Variants in RUNDC3B observed in about 807,000 individuals in gnomAD.
RUNDC3B encodes RUN domain containing 3B, also known as RUN domain-containing protein 3B.
RUNDC3B carries 33 observed loss-of-function variants against 58.4 expected under a neutral mutation model. The observed-to-expected ratio is 0.56, with a 90% CI of 0.43 to 0.75. The LOEUF (loss-of-function observed/expected upper bound fraction) is 0.75. RUNDC3B is among the 30% of genes least tolerant of loss of function. The pLI, the probability that RUNDC3B is intolerant of heterozygous loss-of-function variation, is 0.00. For synonymous variants in RUNDC3B, 193 were observed against 195.2 expected (o/e 0.99, Z 0.10); for missense variants, 501 against 535.7 (o/e 0.94, Z 0.64).
intron 4 of RUNDC3B, among the ~76,000 whole-genome samples, chr7:87,721,730 A>C (rs1333786560): frequency 1.3e-5 from 2 of 151,968 alleles, no homozygotes; most frequent in East Asian, 3.9e-4. Context: ...ATGAATAATT[A>C]GATCTTATTT....
chr7:87,739,568 T>G (rs1325127279), intron 4 of RUNDC3B, among the ~76,000 whole-genome samples: 1 of 152,084 alleles, frequency 6.6e-6, no homozygotes, highest in African/African-American at 2.4e-5. Context: ...TTTTGTTATA[T>G]TGGCAGGTTT....
intron 4 of RUNDC3B, among the ~76,000 whole-genome samples, chr7:87,738,712 C>A (rs1392199186): frequency 6.6e-6 from 1 of 151,842 alleles, no homozygotes; most frequent in African/African-American, 2.4e-5. Flanking sequence ...TAAACTTTTC[C>A]TGATGGTAAA....
At chr7:87,659,292 T>C (rs1824454531) in intron 2 of RUNDC3B, 2 of 375,884 alleles carry the variant, frequency 5.3e-6, no homozygotes. Context: ...TCTTGGTTTC[T>C]CTGTTTTCTT....
At chr7:87,753,286 A>C (rs529599708) in intron 6 of RUNDC3B, among the ~76,000 whole-genome samples, 8 of 151,806 alleles carry the variant, frequency 5.3e-5, no homozygotes, top group African/African-American at 1.2e-4. Flanking sequence ...GGAGAGCTTT[A>C]CTTCCAAGTA....
At chr7:87,779,514 A>G (rs541861246) in intron 8 of RUNDC3B, among the ~76,000 whole-genome samples, 11 of 152,240 alleles carry the variant, frequency 7.2e-5, no homozygotes, top group African/African-American at 2.6e-4. Context: ...ACCTTTATTA[A>G]TGATACTAAT....
intron 2 of RUNDC3B, among the ~76,000 whole-genome samples, chr7:87,695,433 C>T (rs1324544131): frequency 3.3e-5 from 5 of 151,972 alleles, no homozygotes; most frequent in African/African-American, 1.2e-4. Flanking sequence ...GTGAGAACTC[C>T]ACAAGTTTTT....
At chr7:87,648,282 C>G (rs1823229748) in intron 1 of RUNDC3B, among the ~76,000 whole-genome samples, 3 of 151,608 alleles carry the variant, frequency 2.0e-5, no homozygotes, top group East Asian at 1.9e-4. Flanking sequence ...AATCATTGAT[C>G]ATGGGAATGT....
intron 1 of RUNDC3B, among the ~76,000 whole-genome samples, chr7:87,634,682 A>G (rs1373872632): frequency 6.6e-6 from 1 of 151,310 alleles, no homozygotes; most frequent in Non-Finnish European, 1.5e-5. Flanking sequence ...TTTTTTTGTT[A>G]CTATTTGGTT....
intron 1 of RUNDC3B, among the ~76,000 whole-genome samples, chr7:87,640,219 C>T (rs1299190344): frequency 6.7e-6 from 1 of 149,762 alleles, no homozygotes; most frequent in Non-Finnish European, 1.5e-5. Flanking sequence ...TTAAATCTTA[C>T]ATTATTTTAT....
At chr7:87,729,360 A>G (rs1831443295) in intron 4 of RUNDC3B, among the ~76,000 whole-genome samples, 1 of 152,194 alleles carries the variant, frequency 6.6e-6, no homozygotes, top group African/African-American at 2.4e-5. Context: ...AATCACCTAC[A>G]CCAGCCCTCC....
At chr7:87,800,206 G>A (rs1467280232) in intron 8 of RUNDC3B, among the ~76,000 whole-genome samples, 1 of 152,142 alleles carries the variant, frequency 6.6e-6, no homozygotes, top group East Asian at 1.9e-4. Context: ...CATTGGCACA[G>A]CATCTGGGGT....
rs1331297963 is a variant in RUNDC3B, at chr7:87,831,690, G to A, written c.*1660G>A. On this transcript the variant is annotated 3_prime_UTR_variant, in exon 11 of 11. Coordinates refer to ENST00000394654, the MANE Select transcript of RUNDC3B (RefSeq NM_001134405.2). ...TCATCAGCATGGGGGATGGAAGGTAGGTATAATATGAGGACAATGGAAACT... is the reference window on the plus strand; with the variant it reads ...TCATCAGCATGGGGGATGGAAGGTAAGTATAATATGAGGACAATGGAAACT... The A allele has an allele frequency of 6.6e-6, 1 of 151,790 alleles. No individual in the cohort carries two copies. The allele number at this position is 151,790 out of a possible 1,614,324, so 9.4% of individuals were successfully genotyped here.
At chr7:87,774,695 C>T (rs887123081) in intron 7 of RUNDC3B, among the ~76,000 whole-genome samples, 7 of 152,050 alleles carry the variant, frequency 4.6e-5, no homozygotes, top group Non-Finnish European at 8.8e-5. Context: ...TCTTTCCAAT[C>T]CCCCGCCAAA....
At chr7:87,653,093 A>T (rs1371706849) in intron 2 of RUNDC3B, among the ~76,000 whole-genome samples, 1 of 152,060 alleles carries the variant, frequency 6.6e-6, no homozygotes, top group Non-Finnish European at 1.5e-5. Context: ...TTTTAAAATC[A>T]GATATATTAA....
At chr7:87,805,545 A>C (rs1836393594) in intron 8 of RUNDC3B, among the ~76,000 whole-genome samples, 1 of 152,224 alleles carries the variant, frequency 6.6e-6, no homozygotes, top group African/African-American at 2.4e-5. Flanking sequence ...ACAGTACCTT[A>C]ATTTGTCATT....
chr7:87,773,066 G>A (rs1017118415), intron 7 of RUNDC3B, among the ~76,000 whole-genome samples: 3 of 152,096 alleles, frequency 2.0e-5, no homozygotes, highest in African/African-American at 7.2e-5. Context: ...ACTCACGCCT[G>A]TAATCCCAGC....
At chr7:87,677,652 TAC>T (rs1826514366) in intron 2 of RUNDC3B, among the ~76,000 whole-genome samples, 1 of 152,000 alleles carries the variant, frequency 6.6e-6, no homozygotes, top group Non-Finnish European at 1.5e-5. Context: ...TCACCATACA[TAC>T]ACACACAAAA....
chr7:87,829,263 T>G (rs1838004586), intron 10 of RUNDC3B, among the ~76,000 whole-genome samples: 1 of 152,210 alleles, frequency 6.6e-6, no homozygotes, highest in Non-Finnish European at 1.5e-5. Flanking sequence ...TTCTGGAGGT[T>G]GTCTGTTTAC....
intron 8 of RUNDC3B, among the ~76,000 whole-genome samples, chr7:87,781,103 T>G (rs1160955894): frequency 6.6e-6 from 1 of 152,226 alleles, no homozygotes; most frequent in Non-Finnish European, 1.5e-5. Flanking sequence ...ACAGTATTGA[T>G]TCTTCCAATT....
Sources: allele counts gnomAD v4.1 joint callset (sites outside exome capture counted in the v4.1 genomes callset), GRCh38; gene constraint gnomAD v4.1.1; transcripts MANE v1.5; gene names NCBI Gene and HGNC (gene_info 2026-07-23, HGNC 2026-07-21).